The following GMDS variants were observed in gnomAD, a reference collection of about 807,000 sequenced individuals.
GMDS encodes the protein GDP-mannose 4,6 dehydratase.
GMDS carries 20 observed loss-of-function variants against 49.9 expected under a neutral mutation model. The ratio of observed to expected loss-of-function variants is 0.40; its 90% CI spans 0.28 to 0.58. The LOEUF is 0.58. Among genes scored for constraint, GMDS ranks in the 20% least tolerant of loss-of-function variants. The probability of loss-of-function intolerance (pLI) is 0.42; values close to 1 mark genes in which losing one functional copy is unlikely to be tolerated. For synonymous variants in GMDS, 177 were observed against 178.6 expected (o/e 0.99, Z 0.07); for missense variants, 362 against 481.4 (o/e 0.75, Z 2.32).
intron 7 of GMDS, among the ~76,000 whole-genome samples, chr6:1,920,038 T>C (rs944171673): frequency 1.3e-5 from 2 of 152,218 alleles, no homozygotes; most frequent in Non-Finnish European, 2.9e-5. Flanking sequence ...AGGAGAATCT[T>C]TGTGGCATTA....
chr6:1,669,917 CAAAAAAAA>C (rs66490758), intron 9 of GMDS, among the ~76,000 whole-genome samples: 1 of 45,222 alleles, frequency 2.2e-5, no homozygotes, highest in African/African-American at 9.6e-5. Context: ...GACTCCATCT[CAAAAAAAA>C]AAAAAAAAAA....
chr6:2,166,556 A>G (rs1777680491), intron 1 of GMDS, among the ~76,000 whole-genome samples: 1 of 152,220 alleles, frequency 6.6e-6, no homozygotes, highest in Non-Finnish European at 1.5e-5. Flanking sequence ...CTAGAACCTT[A>G]TTCATACTAC....
intron 7 of GMDS, among the ~76,000 whole-genome samples, chr6:1,874,464 G>GGA (rs1210712476): frequency 6.6e-6 from 1 of 152,082 alleles, no homozygotes; most frequent in East Asian, 1.9e-4. Context: ...TTGGAGTGGT[G>GGA]GAGAGAGAGG....
chr6:2,110,137 G>A (rs1397511224), intron 4 of GMDS, among the ~76,000 whole-genome samples: 1 of 152,070 alleles, frequency 6.6e-6, no homozygotes, highest in East Asian at 1.9e-4. Flanking sequence ...CTATAATTGG[G>A]TTAGCCAGGC....
intron 7 of GMDS, among the ~76,000 whole-genome samples, chr6:1,782,938 G>C: frequency 6.6e-6 from 1 of 152,142 alleles, no homozygotes; most frequent in East Asian, 1.9e-4. Flanking sequence ...AGGATTGCTT[G>C]AGCCCAGGAG....
intron 1 of GMDS, among the ~76,000 whole-genome samples, chr6:2,128,144 C>T (rs1396770858): frequency 6.7e-6 from 1 of 149,970 alleles, no homozygotes; most frequent in Non-Finnish European, 1.5e-5. Context: ...ATCACCATGG[C>T]TTTAACATTT....
intron 7 of GMDS, among the ~76,000 whole-genome samples, chr6:1,752,374 T>C (rs1261748087): frequency 6.6e-6 from 1 of 152,172 alleles, no homozygotes; most frequent in African/African-American, 2.4e-5. Flanking sequence ...CTTCAAGAAA[T>C]ATGGGACTAT....
At chr6:1,929,090 C>T (rs1018217391) in intron 7 of GMDS, among the ~76,000 whole-genome samples, 10 of 152,198 alleles carry the variant, frequency 6.6e-5, no homozygotes, top group Non-Finnish European at 1.2e-4. Flanking sequence ...TTCAAACACA[C>T]ACACATTTTT....
chr6:1,798,872 C>A (rs2113652784), intron 7 of GMDS, among the ~76,000 whole-genome samples: 1 of 152,284 alleles, frequency 6.6e-6, no homozygotes, highest in Non-Finnish European at 1.5e-5. Context: ...GGTGGCAACA[C>A]AAACCTGTAT....
At chr6:1,641,597 G>A (rs890370049) in intron 9 of GMDS, among the ~76,000 whole-genome samples, 2 of 152,226 alleles carry the variant, frequency 1.3e-5, no homozygotes, top group African/African-American at 2.4e-5. Flanking sequence ...AGGCACAGAA[G>A]GTCCCGTGGA....
chr6:1,938,257 T>A (rs563774125), intron 6 of GMDS, among the ~76,000 whole-genome samples: 1 of 152,214 alleles, frequency 6.6e-6, no homozygotes, highest in Non-Finnish European at 1.5e-5. Flanking sequence ...GGAATATACA[T>A]CTTCTTATAA....
chr6:2,075,124 C>A (rs956319042), intron 4 of GMDS, among the ~76,000 whole-genome samples: 1 of 152,006 alleles, frequency 6.6e-6, no homozygotes, highest in Non-Finnish European at 1.5e-5. Flanking sequence ...TGGCTGTTCT[C>A]TTTGGTTCCA....
chr6:2,012,371 T>C (rs923714379), intron 4 of GMDS, among the ~76,000 whole-genome samples: 1 of 152,176 alleles, frequency 6.6e-6, no homozygotes, highest in African/African-American at 2.4e-5. Flanking sequence ...GATAAAATTG[T>C]TGTAAGACTC....
chr6:1,733,623 T>C (rs913919994), intron 8 of GMDS, among the ~76,000 whole-genome samples: 5 of 152,088 alleles, frequency 3.3e-5, no homozygotes, highest in African/African-American at 1.2e-4. Context: ...TTGAGACTAG[T>C]CGGGGCAACA....
chr6:1,898,926 G>A lies in GMDS; in HGVS notation c.771+31177C>T, dbSNP rs1183532768. Among the ~76,000 whole-genome samples, 3 of 152,138 alleles carry A rather than the reference G, an allele frequency of 2.0e-5. No homozygotes were observed. The East Asian group carries it at 5.8e-4, about 29-fold the overall frequency. On this transcript the variant is annotated intron_variant, in intron 7 of 10. Transcript: ENST00000380815. ...ACAGCCAACAATAAAGAACATCATG[G>A]ATTACACAAATAATGAATTAATTAC...
intron 9 of GMDS, among the ~76,000 whole-genome samples, chr6:1,653,736 T>C (rs1763787897): frequency 6.6e-6 from 1 of 152,202 alleles, no homozygotes; most frequent in East Asian, 1.9e-4. Flanking sequence ...ACTGGAAAAC[T>C]GGATATCCAC....
intron 7 of GMDS, among the ~76,000 whole-genome samples, chr6:1,759,373 A>T (rs1768075933): frequency 6.6e-6 from 1 of 152,204 alleles, no homozygotes; most frequent in South Asian, 2.1e-4. Context: ...GAAGTCATAC[A>T]CCTGCTAAGT....
At chr6:2,241,744 G>T (rs1313732005) in intron 1 of GMDS, among the ~76,000 whole-genome samples, 1 of 152,216 alleles carries the variant, frequency 6.6e-6, no homozygotes, top group Non-Finnish European at 1.5e-5. Context: ...TTCAGCAGAA[G>T]CAGATGCTGG....
At chr6:2,074,574 A>G (rs1025991987) in intron 4 of GMDS, among the ~76,000 whole-genome samples, 8 of 152,186 alleles carry the variant, frequency 5.3e-5, no homozygotes, top group African/African-American at 1.9e-4. Flanking sequence ...TAACCATAAA[A>G]TCTTTGTCTA....
Sources: allele counts gnomAD v4.1 joint callset (sites outside exome capture counted in the v4.1 genomes callset), GRCh38; gene constraint gnomAD v4.1.1; transcripts MANE v1.5; gene names NCBI Gene and HGNC (gene_info 2026-07-23, HGNC 2026-07-21).